Variants in MAPKAPK3 observed in about 807,000 individuals in gnomAD.
The protein encoded by MAPKAPK3 is MAP kinase-activated protein kinase 3.
A neutral mutation model predicts 49.2 loss-of-function variants in MAPKAPK3; 35 were observed. The ratio of observed to expected loss-of-function variants is 0.71; its 90% CI spans 0.54 to 0.94. The LOEUF (loss-of-function observed/expected upper bound fraction) is 0.94. MAPKAPK3 is among the 40% of genes least tolerant of loss of function. The pLI, the probability that MAPKAPK3 is intolerant of heterozygous loss-of-function variation, is 0.00. For synonymous variants in MAPKAPK3, 178 were observed against 188.7 expected, an observed-to-expected ratio of 0.94 and a Z score of 0.46; for missense variants, 398 against 493.1, an observed-to-expected ratio of 0.81 and a Z score of 1.83.
intron 5 of MAPKAPK3, among the ~76,000 whole-genome samples, 177 bp downstream of exon 5, chr3:50,642,509 A>G (rs113023199): frequency 6.4e-4 from 97 of 152,290 alleles, no homozygotes; most frequent in African/African-American, 2.3e-3. Flanking sequence ...CAGCATACTC[A>G]TTCTGTTCTC....
chr3:50,636,535 T>C (rs2033044852), intron 2 of MAPKAPK3, among the ~76,000 whole-genome samples: 1 of 152,220 alleles, frequency 6.6e-6, no homozygotes, highest in South Asian at 2.1e-4. Flanking sequence ...GTTTTCTGTC[T>C]TGATGGAAGT....
chr3:50,646,076 G>A, intron 7 of MAPKAPK3, 64 bp from the exon 8 acceptor site: 1 of 1,571,774 alleles, frequency 6.4e-7, no homozygotes, highest in Non-Finnish European at 8.6e-7. Context: ...GGGCTTTTGA[G>A]GGGAAATGGG....
At chr3:50,638,436 G>A (rs914362702) in intron 2 of MAPKAPK3, among the ~76,000 whole-genome samples, 1 of 152,174 alleles carries the variant, frequency 6.6e-6, no homozygotes, top group African/African-American at 2.4e-5. Context: ...ACTAACCTGA[G>A]GGGTGTTCTG....
chr3:50,625,318 T>C (rs909692440), intron 2 of MAPKAPK3, among the ~76,000 whole-genome samples: 1 of 152,146 alleles, frequency 6.6e-6, no homozygotes, highest in Non-Finnish European at 1.5e-5. Context: ...CTCACTTGGG[T>C]GCGCCCTGCA....
chr3:50,622,416 T>C (rs2032630449), intron 2 of MAPKAPK3, among the ~76,000 whole-genome samples: 1 of 152,216 alleles, frequency 6.6e-6, no homozygotes, highest in Non-Finnish European at 1.5e-5. Flanking sequence ...CAGTGCCACC[T>C]CTTCCAGGAA....
chr3:50,622,462 C>G (rs1009043173), intron 2 of MAPKAPK3, among the ~76,000 whole-genome samples: 1 of 152,216 alleles, frequency 6.6e-6, no homozygotes, highest in East Asian at 1.9e-4. Context: ...GCAATGGAAC[C>G]TTCTTTGACC....
intron 5 of MAPKAPK3, among the ~76,000 whole-genome samples, chr3:50,642,833 G>GT (rs1229349946): frequency 2.0e-5 from 3 of 151,900 alleles, no homozygotes; most frequent in South Asian, 2.1e-4. Context: ...GATGCTGTTG[G>GT]TTTTTTTTGT....
intron 7 of MAPKAPK3, 90 bp downstream of exon 7, chr3:50,645,875 T>A: frequency 8.4e-7 from 1 of 1,195,658 alleles, no homozygotes; most frequent in Non-Finnish European, 1.2e-6. Flanking sequence ...CACCCCCATG[T>A]CCTTGGTGAG....
chr3:50,622,116 C>T (rs987716962), intron 2 of MAPKAPK3, among the ~76,000 whole-genome samples: 10 of 152,324 alleles, frequency 6.6e-5, no homozygotes, highest in East Asian at 5.8e-4. Flanking sequence ...AGTTGGCTTC[C>T]GTGAGCCAGG....
At chr3:50,626,169 T>A (rs923459814) in intron 2 of MAPKAPK3, among the ~76,000 whole-genome samples, 1 of 152,088 alleles carries the variant, frequency 6.6e-6, no homozygotes, top group Non-Finnish European at 1.5e-5. Flanking sequence ...GACTTTTGCT[T>A]GGGACAATTG....
chr3:50,646,015 G>C, intron 7 of MAPKAPK3, 125 bp from the exon 8 acceptor site: 1 of 1,291,386 alleles, frequency 7.7e-7, no homozygotes, highest in Non-Finnish European at 1.1e-6. Flanking sequence ...CTGGGAGTCC[G>C]GAGGGCTGGT....
intron 10 of MAPKAPK3, among the ~76,000 whole-genome samples, chr3:50,647,582 G>A (rs1424959881): frequency 6.6e-6 from 1 of 152,276 alleles, no homozygotes; most frequent in African/African-American, 2.4e-5. Flanking sequence ...GTTGCCCAGC[G>A]AGATGGCATT....
chr3:50,618,424 C>G (rs2032525304), intron 2 of MAPKAPK3, among the ~76,000 whole-genome samples: 1 of 152,128 alleles, frequency 6.6e-6, no homozygotes, highest in South Asian at 2.1e-4. Flanking sequence ...GCCATCTAGC[C>G]ACCTCAGACT....
chr3:50,647,568 G>A (rs60877431), intron 10 of MAPKAPK3, among the ~76,000 whole-genome samples: 11,178 of 152,368 alleles, frequency 0.073, 1,099 homozygotes, highest in East Asian at 0.33. Flanking sequence ...GCCCCAGTGC[G>A]CTGGTTGCCC....
chr3:50,640,544 C>A (rs756725967), intron 3 of MAPKAPK3, 39 bp downstream of exon 3: 36 of 1,561,628 alleles, frequency 2.3e-5, no homozygotes, highest in South Asian at 1.2e-4. Context: ...CCCTCGGCAT[C>A]CCTGTGGCCC....
At chr3:50,616,102 G>T (rs930615075), upstream of MAPKAPK3, among the ~76,000 whole-genome samples, 2 of 152,216 alleles carry the variant, frequency 1.3e-5, no homozygotes, top group Non-Finnish European at 2.9e-5. Flanking sequence ...CCTGTAGATG[G>T]CCTGTAGATG....
intron 2 of MAPKAPK3, among the ~76,000 whole-genome samples, chr3:50,624,686 C>T (rs1165800517): frequency 6.6e-6 from 1 of 152,144 alleles, no homozygotes; most frequent in Non-Finnish European, 1.5e-5. Context: ...CTGGGGACAT[C>T]ATCATGGAAG....
rs375412266 is a variant in MAPKAPK3 at position 50,617,647 on chromosome 3, C to G, written c.82C>G (p.Pro28Ala). 1.2e-4 allele frequency: 186 copies of G among 1,610,458 alleles called. No individual in the cohort carries two copies. In the East Asian group the frequency reaches 4.1e-3, roughly 35 times the overall value. ...APGGPGLGGA[P>A]GGRREPKKYA... ...CGGCGGACCCGGCTTGGGCGGTGCT[C>G]CGGGGGGGCGGCGGGAGCCCAAGAA... The change falls in exon 2 of 11, where the codon CCG becomes GCG. Residue 28 changes from proline (P) to alanine (A), a missense_variant. Pro to Ala is a conservative substitution (Grantham distance 27, BLOSUM62 -1). Transcript: ENST00000621469.
chr3:50,633,013 T>G (rs1486339740), intron 2 of MAPKAPK3, among the ~76,000 whole-genome samples: 1 of 152,172 alleles, frequency 6.6e-6, no homozygotes, highest in Non-Finnish European at 1.5e-5. Flanking sequence ...ACATCCCAGC[T>G]TTGTTCGATC....
Sources: gnomAD v4.1 joint callset for allele counts (sites outside exome capture counted in the v4.1 genomes callset) on GRCh38, gnomAD v4.1.1 for gene constraint, MANE v1.5 for transcripts, NCBI Gene and HGNC (gene_info 2026-07-23, HGNC 2026-07-21) for gene names.